The following NTAQ1 variants were observed in gnomAD, a reference collection of about 807,000 sequenced individuals.
NTAQ1 encodes the protein protein N-terminal glutamine amidohydrolase.
NTAQ1 carries 21 observed loss-of-function variants against 28.2 expected under a neutral mutation model. The observed-to-expected ratio is 0.74, with a 90% CI of 0.53 to 1.07. The LOEUF is 1.07. NTAQ1 is among the 50% of genes least tolerant of loss of function. The probability of loss-of-function intolerance (pLI) is 0.00; values close to 1 mark genes in which losing one functional copy is unlikely to be tolerated. For missense variants in NTAQ1, 264 were observed against 256.6 expected (o/e 1.03, Z -0.20); for synonymous variants, 105 against 90.0 (o/e 1.17, Z -0.94).
In NTAQ1 at chr8:123,437,316, C is replaced by T. The variant is rs1169954979; in HGVS notation, c.490C>T (p.Pro164Ser). 6.2e-7 allele frequency: 1 copy of T among 1,614,084 alleles called. No individual in the cohort carries two copies. The highest frequency in any genetic ancestry group is 8.5e-7 in the Non-Finnish European group (1 of 1,179,944). ...TTGGAGAGAGCCTCCGCCGCCATAT[C>T]CCTGCATTGAGACTGGAGGTGAGCC... ...GNWREPPPPY[P>S]CIETGDSKMN... The change falls in exon 5 of 6, where the codon CCC becomes TCC. Residue 164 changes from proline to serine, a missense_variant. Physicochemically the swap from Pro to Ser is moderately conservative, Grantham distance 74. Transcript: ENST00000287387.
intron 6 of NTAQ1, among the ~76,000 whole-genome samples, chr8:123,466,113 C>T (rs1815955471): frequency 6.6e-6 from 1 of 152,132 alleles, no homozygotes; most frequent in South Asian, 2.1e-4. Context: ...GCAATAGCAG[C>T]TGGAATGGAA....
intron 6 of NTAQ1, among the ~76,000 whole-genome samples, chr8:123,447,468 G>A (rs902219479): frequency 2.0e-5 from 3 of 152,100 alleles, no homozygotes; most frequent in African/African-American, 7.2e-5. Context: ...TTATCTAGAA[G>A]TCATTGTATG....
At chr8:123,418,491 T>A (rs887568940) in intron 1 of NTAQ1, among the ~76,000 whole-genome samples, 12 of 150,268 alleles carry the variant, frequency 8.0e-5, no homozygotes, top group Non-Finnish European at 1.5e-4. Context: ...AAGTAAACCA[T>A]GTTTGGGTGA....
chr8:123,433,994 C>A (rs1814549704), intron 3 of NTAQ1, among the ~76,000 whole-genome samples: 1 of 150,604 alleles, frequency 6.6e-6, no homozygotes. Context: ...CAAGACAATT[C>A]TTCTTCCAGT....
At chr8:123,417,219 C>G (rs780635348) in intron 1 of NTAQ1, among the ~76,000 whole-genome samples, 1 of 152,152 alleles carries the variant, frequency 6.6e-6, no homozygotes, top group East Asian at 1.9e-4. Flanking sequence ...TGCTTCGGGG[C>G]CAGGAAGGGT....
intron 5 of NTAQ1, among the ~76,000 whole-genome samples, chr8:123,439,158 G>T (rs78354117): frequency 0.039 from 5,947 of 152,002 alleles, 211 homozygotes; most frequent in East Asian, 0.11. Context: ...ATGGGCTGCC[G>T]AGGTGAGCAC....
downstream of NTAQ1, among the ~76,000 whole-genome samples, chr8:123,452,879 G>A (rs1049266067): frequency 6.6e-6 from 1 of 152,088 alleles, no homozygotes; most frequent in African/African-American, 2.4e-5. Context: ...CAACCAGAGC[G>A]AAACTCCCTC....
downstream of NTAQ1, chr8:123,448,097 A>G (rs1398775088): frequency 6.6e-6 from 1 of 152,240 alleles, no homozygotes; most frequent in African/African-American, 2.4e-5. Context: ...TCAAAGGCAG[A>G]AGAGCCACCA....
chr8:123,446,410 C>T (rs2125589), downstream of NTAQ1, among the ~76,000 whole-genome samples: 55,131 of 152,088 alleles, frequency 0.36, 10,113 homozygotes, highest in East Asian at 0.56. Context: ...CACAACTACT[C>T]AACTCTGCCT....
chr8:123,449,983 A>ATATATATATATATATATATAT (rs1815441935), downstream of NTAQ1, among the ~76,000 whole-genome samples: 2 of 119,426 alleles, frequency 1.7e-5, no homozygotes, highest in African/African-American at 6.3e-5. Context: ...ATGCTGGATA[A>ATATATATATATATATATATAT]AGGGGTCCCA....
chr8:123,446,579 T>C (rs1397206647), downstream of NTAQ1, among the ~76,000 whole-genome samples: 1 of 152,206 alleles, frequency 6.6e-6, no homozygotes, highest in African/African-American at 2.4e-5. Context: ...TTCTTGCCTT[T>C]TAAACACTCT....
intron 6 of NTAQ1, among the ~76,000 whole-genome samples, chr8:123,465,721 A>G (rs1815945597): frequency 6.6e-6 from 1 of 151,000 alleles, no homozygotes; most frequent in Non-Finnish European, 1.5e-5. Flanking sequence ...AGCTGGGATT[A>G]CAGGCGCCCG....
intron 1 of NTAQ1, among the ~76,000 whole-genome samples, chr8:123,419,287 C>T (rs1168681122): frequency 2.6e-5 from 4 of 151,932 alleles, no homozygotes; most frequent in Admixed American, 1.3e-4. Flanking sequence ...TTAGTAGAGA[C>T]GGGGTTTCAC....
Position 123,441,292 on chromosome 8 carries a change from A to G in NTAQ1, c.509-14A>G, listed in dbSNP as rs1455600925. 3 of 1,579,834 alleles carry G rather than the reference A, an allele frequency of 1.9e-6. No homozygotes were observed. The highest frequency in any genetic ancestry group is 1.2e-5 in the South Asian group (1 of 85,440). On this transcript the variant is annotated splice_polypyrimidine_tract_variant and intron_variant, in intron 5 of 5. Coordinates refer to ENST00000287387, the MANE Select transcript of NTAQ1 (RefSeq NM_018024.3). ...TGTTTTCAGTGGACATTTTTTTTTCATATATTTTTTTAGATTCCAAAATGA... is the reference window on the plus strand; with the variant it reads ...TGTTTTCAGTGGACATTTTTTTTTCGTATATTTTTTTAGATTCCAAAATGA...
In NTAQ1 at chr8:123,441,370, C is replaced by T. The variant is rs1390158984; in HGVS notation, c.573C>T (p.Tyr191=). ...MDPKVGWGAV[Y]TLSEFTHRFG... ...CCAAGGTAGGATGGGGCGCCGTCTA[C>T]ACACTATCCGAATTTACACATCGGT... The change falls in exon 6 of 6, where the codon TAC becomes TAT. Residue 191 remains tyrosine, a synonymous_variant. Transcript: ENST00000287387. The T allele has an allele frequency of 3.1e-6, 5 of 1,612,272 alleles. No individual in the cohort carries two copies. The highest frequency in any genetic ancestry group is 4.2e-6 in the Non-Finnish European group (5 of 1,179,004).
intron 5 of NTAQ1, among the ~76,000 whole-genome samples, chr8:123,439,096 A>G (rs1343481165): frequency 2.0e-5 from 3 of 152,102 alleles, no homozygotes; most frequent in Admixed American, 6.5e-5. Flanking sequence ...TTTGATGACT[A>G]CTAGTCATTG....
At chr8:123,451,636 G>C (rs1343065521), downstream of NTAQ1, among the ~76,000 whole-genome samples, 2 of 152,132 alleles carry the variant, frequency 1.3e-5, no homozygotes, top group African/African-American at 4.8e-5. Context: ...ACCACACCTG[G>C]TCTAAAAGTC....
At chr8:123,473,330 C>T (rs190158251), downstream of NTAQ1, among the ~76,000 whole-genome samples, 72 of 145,826 alleles carry the variant, frequency 4.9e-4, no homozygotes, top group Admixed American at 9.0e-4. Flanking sequence ...GAGTCTTGCT[C>T]TGTTGCTTAG....
At chr8:123,471,715 G>A (rs1213815080), downstream of NTAQ1, among the ~76,000 whole-genome samples, 2 of 152,156 alleles carry the variant, frequency 1.3e-5, no homozygotes, top group Non-Finnish European at 1.5e-5. Context: ...CTTACTCAAG[G>A]GAGAATGAGC....
Sources: allele counts gnomAD v4.1 joint callset (sites outside exome capture counted in the v4.1 genomes callset), GRCh38; gene constraint gnomAD v4.1.1; transcripts MANE v1.5; gene names NCBI Gene and HGNC (gene_info 2026-07-23, HGNC 2026-07-21).